EYS: variants seen among roughly 807,000 people sequenced by gnomAD.
The protein encoded by EYS is EGF-like photoreceptor maintenance factor, also known as protein eyes shut homolog.
In EYS, 250 loss-of-function variants were observed where a neutral mutation model predicts 282.1. That is an observed-to-expected ratio of 0.89 (90% CI 0.80 to 0.98). The LOEUF (loss-of-function observed/expected upper bound fraction) is 0.98, where lower values mean the gene tolerates loss of function less well. Ranked by LOEUF, EYS falls within the 50% of genes least tolerant of loss-of-function variation. EYS has a pLI of 0.00. For missense variants in EYS, 4,016 were observed against 3,709.0 expected (o/e 1.08, Z -2.15); for synonymous variants, 1,355 against 1,282.9 (o/e 1.06, Z -1.20).
chr6:64,882,797 T>C (rs1232678723), intron 19 of EYS, among the ~76,000 whole-genome samples: 2 of 151,668 alleles, frequency 1.3e-5, no homozygotes, highest in African/African-American at 4.8e-5. Context: ...GCTGACATAT[T>C]GTACCAGAGT....
intron 26 of EYS, among the ~76,000 whole-genome samples, chr6:64,485,494 A>G (rs1359882848): frequency 6.6e-6 from 1 of 151,562 alleles, no homozygotes. Flanking sequence ...TCCTTGTTTA[A>G]CTATTCATTG....
intron 9 of EYS, among the ~76,000 whole-genome samples, chr6:65,346,001 C>T (rs1165142480): frequency 2.0e-5 from 3 of 151,842 alleles, no homozygotes; most frequent in Non-Finnish European, 1.5e-5. Flanking sequence ...TCTCTCCCAA[C>T]TCAGTGATCC....
At chr6:64,197,979 TTTTATTTA>T (rs368337390) in intron 31 of EYS, among the ~76,000 whole-genome samples, 11 of 140,518 alleles carry the variant, frequency 7.8e-5, no homozygotes, top group East Asian at 2.0e-4. Flanking sequence ...TCTTTTTAAT[TTTTATTTA>T]TTTATTTATT....
chr6:63,726,601 C>G lies in EYS; in HGVS notation c.8151G>C (p.Lys2717Asn), dbSNP rs983603381. The change falls in exon 42 of 43, where the codon AAG (lysine) becomes AAC (asparagine). Residue 2717 changes from lysine to asparagine, a missense_variant. Transcript: ENST00000503581. Reference sequence around the variant, plus strand: ...GCTGAAACTGCAATTGAATATGTGTCTTTTTTCGAACATGAAAGGAAGCAA... The same window carrying G: ...GCTGAAACTGCAATTGAATATGTGTGTTTTTTCGAACATGAAAGGAAGCAA... ...MSFASFHVRK[K>N]THIQLQFQPL... 2 of 1,551,174 alleles carry G rather than the reference C, an allele frequency of 1.3e-6. No individual in the cohort carries two copies. The highest frequency in any genetic ancestry group is 1.7e-6 in the Non-Finnish European group (2 of 1,146,708).
chr6:64,085,340 G>GCGCGCGCACACACACACACACACACACA (rs112388321), intron 31 of EYS, among the ~76,000 whole-genome samples: 6 of 139,814 alleles, frequency 4.3e-5, no homozygotes, highest in African/African-American at 1.7e-4. Flanking sequence ...ACGTGCGCGC[G>GCGCGCGCACACACACACACACACACACA]CACACACACA....
At position 65,674,788 on chromosome 6, in the gene EYS, A is replaced by G. The variant is rs181867784; in HGVS notation, c.-448+32347T>C. ...TAGATAGCAACAAAAAAAACATATT[A>G]AAGTATACAGCTTGGTAGCAAAGGT... On this transcript the variant is annotated intron_variant, in intron 1 of 42. Coordinates refer to ENST00000503581, the MANE Select transcript of EYS (RefSeq NM_001142800.2). Among the ~76,000 whole-genome samples the G allele has an allele frequency of 9.2e-5, 14 of 152,194 alleles. No homozygotes were observed. In the East Asian group the frequency reaches 2.7e-3, roughly 29 times the overall value.
At chr6:65,427,451 T>C (rs971977387) in intron 5 of EYS, among the ~76,000 whole-genome samples, 2 of 152,112 alleles carry the variant, frequency 1.3e-5, no homozygotes, top group African/African-American at 4.8e-5. Flanking sequence ...TATGTATTTT[T>C]GGTTAATATT....
chr6:65,185,821 G>A (rs1581994808), intron 12 of EYS, among the ~76,000 whole-genome samples: 1 of 151,626 alleles, frequency 6.6e-6, no homozygotes, highest in African/African-American at 2.4e-5. Context: ...TATGTTCTTG[G>A]TTTTATTATG....
intron 22 of EYS, among the ~76,000 whole-genome samples, chr6:64,793,976 A>G (rs1774269251): frequency 6.6e-6 from 1 of 152,144 alleles, no homozygotes; most frequent in Non-Finnish European, 1.5e-5. Context: ...CTTTATTCCC[A>G]TTGAACAGCA....
chr6:64,835,478 A>AT (rs1164487428), intron 19 of EYS, among the ~76,000 whole-genome samples: 2 of 87,614 alleles, frequency 2.3e-5, no homozygotes, highest in Non-Finnish European at 5.3e-5. Flanking sequence ...GTGGCTGAGA[A>AT]TTTAAAAAAA....
intron 28 of EYS, among the ~76,000 whole-genome samples, 182 bp from the exon 29 acceptor site, chr6:64,389,022 CAA>C (rs777346798): frequency 6.6e-6 from 1 of 151,438 alleles, no homozygotes; most frequent in Non-Finnish European, 1.5e-5. Flanking sequence ...TACATAAACA[CAA>C]AGTTACAGTT....
At chr6:65,616,238 G>A (rs1014482984) in intron 2 of EYS, among the ~76,000 whole-genome samples, 1 of 152,088 alleles carries the variant, frequency 6.6e-6, no homozygotes, top group African/African-American at 2.4e-5. Context: ...CATATAAAAT[G>A]TTTCTGCTCT....
chr6:64,448,706 G>A (rs186863413), intron 26 of EYS, among the ~76,000 whole-genome samples: 72 of 152,190 alleles, frequency 4.7e-4, no homozygotes, highest in Non-Finnish European at 9.0e-4. Context: ...ACCAATATCC[G>A]CTGTTCTGCA....
chr6:64,867,884 A>G (rs1251209414), intron 19 of EYS, among the ~76,000 whole-genome samples: 2 of 151,628 alleles, frequency 1.3e-5, no homozygotes, highest in Non-Finnish European at 3.0e-5. Flanking sequence ...AACACTTGTT[A>G]TAAAATGAAC....
intron 2 of EYS, among the ~76,000 whole-genome samples, chr6:65,563,865 T>C (rs185985711): frequency 1.3e-5 from 2 of 152,252 alleles, no homozygotes; most frequent in Admixed American, 6.5e-5. Context: ...GACATGATTG[T>C]ATATTTAGAA....
intron 19 of EYS, among the ~76,000 whole-genome samples, chr6:64,861,551 G>T (rs1766239770): frequency 6.6e-6 from 1 of 152,174 alleles, no homozygotes; most frequent in South Asian, 2.1e-4. Context: ...TGGGTTAACA[G>T]CCATGGCTGG....
intron 18 of EYS, among the ~76,000 whole-genome samples, chr6:64,898,610 C>T (rs1211831510): frequency 6.6e-6 from 1 of 151,556 alleles, no homozygotes; most frequent in Non-Finnish European, 1.5e-5. Flanking sequence ...ACAAAATTAA[C>T]TTTAAATGTA....
intron 30 of EYS, among the ~76,000 whole-genome samples, chr6:64,271,655 A>T (rs1767941357): frequency 6.6e-6 from 1 of 151,972 alleles, no homozygotes. Context: ...TTAAATTGCT[A>T]ACTTAATTCA....
At chr6:64,802,404 A>G (rs1252448980) in intron 22 of EYS, among the ~76,000 whole-genome samples, 1 of 152,058 alleles carries the variant, frequency 6.6e-6, no homozygotes, top group African/African-American at 2.4e-5. Flanking sequence ...AAGGTTTTTG[A>G]GCGTGTAATT....
Sources: allele counts gnomAD v4.1 joint callset (sites outside exome capture counted in the v4.1 genomes callset), GRCh38; gene constraint gnomAD v4.1.1; transcripts MANE v1.5; gene names NCBI Gene and HGNC (gene_info 2026-07-23, HGNC 2026-07-21).